The following ASXL1 variants were observed in gnomAD, a reference collection of about 807,000 sequenced individuals.
ASXL1 encodes the protein polycomb group protein ASXL1.
A neutral mutation model predicts 89.1 loss-of-function variants in ASXL1; 65 were observed. The observed-to-expected ratio is 0.73, with a 90% CI of 0.60 to 0.90. ASXL1 has a LOEUF of 0.90. Among genes scored for constraint, ASXL1 ranks in the 40% least tolerant of loss-of-function variants. The pLI is 0.00. For synonymous variants in ASXL1, 739 were observed against 746.9 expected (o/e 0.99, Z 0.17); for missense variants, 1,786 against 1,942.9 (o/e 0.92, Z 1.52).
At chr20:32,419,730 G>A (rs970272678) in intron 4 of ASXL1, among the ~76,000 whole-genome samples, 8 of 142,790 alleles carry the variant, frequency 5.6e-5, no homozygotes, top group African/African-American at 2.1e-4. Flanking sequence ...TGCCCAGGCT[G>A]GAGTGCAGTG....
At chr20:32,415,449 G>A (rs557504033) in intron 4 of ASXL1, among the ~76,000 whole-genome samples, 3 of 152,248 alleles carry the variant, frequency 2.0e-5, no homozygotes, top group South Asian at 4.1e-4. Context: ...GTTTTCCTCT[G>A]GAGTGGGAGA....
intron 4 of ASXL1, among the ~76,000 whole-genome samples, chr20:32,386,376 A>G (rs1412404983): frequency 6.6e-6 from 1 of 151,960 alleles, no homozygotes; most frequent in African/African-American, 2.4e-5. Flanking sequence ...AAACCTCCAA[A>G]GTGTAAGTTT....
At chr20:32,410,831 C>A (rs1458926618) in intron 4 of ASXL1, among the ~76,000 whole-genome samples, 1 of 152,024 alleles carries the variant, frequency 6.6e-6, no homozygotes, top group South Asian at 2.1e-4. Context: ...GAGTTTGAGA[C>A]CAGCCTTGCC....
chr20:32,399,745 CTCTTTTTTTTTTTTT>C (rs1569283064), intron 4 of ASXL1, among the ~76,000 whole-genome samples: 21 of 66,598 alleles, frequency 3.2e-4, no homozygotes, highest in Admixed American at 6.9e-4. Flanking sequence ...ACATATTTTA[CTCTTTTTTTTTTTTT>C]TTTTTTTTTT....
rs779803649 is a variant in ASXL1, at chr20:32,429,907, C to T, written c.572C>T (p.Ser191Leu). The T allele has an allele frequency of 1.3e-5, 21 of 1,607,596 alleles. No individual in the cohort carries two copies. The highest frequency in any genetic ancestry group is 8.9e-5 in the East Asian group (4 of 44,846). Residue 191 changes from serine (S) to leucine (L), a missense_variant, in exon 8 of 13, where the codon TCG becomes TTG. Coordinates refer to ENST00000375687, the MANE Select transcript of ASXL1 (RefSeq NM_015338.6). This position sits in a 1 kb window ranked among gnomAD's most constrained non-coding sequence, Gnocchi z 4.9. ...GAHVESASGF[S>L]GCHADGESGS... ...TGGAATGCTGTGCCTTCAGGGTTCT[C>T]GGGCTGCCACGCCGATGGCGAGAGC... is the stretch of plus-strand genomic sequence containing the variant.
intron 4 of ASXL1, among the ~76,000 whole-genome samples, chr20:32,414,419 A>G (rs1405547639): frequency 1.3e-5 from 2 of 151,748 alleles, no homozygotes; most frequent in African/African-American, 4.8e-5. Context: ...TTTTTTTAAA[A>G]AAATATTCTG....
intron 1 of ASXL1, chr20:32,359,218 A>G: frequency 1.4e-6 from 1 of 700,316 alleles, no homozygotes; most frequent in Non-Finnish European, 2.6e-6. Flanking sequence ...AAGGGTCGGA[A>G]GCTCCTCCCT....
In ASXL1 at chr20:32,376,236, TTTTTA is replaced by T. The variant is rs1213637255; in HGVS notation, c.252+7134_252+7138del. On this transcript the variant is annotated intron_variant, in intron 4 of 12. Coordinates refer to ENST00000375687, the MANE Select transcript of ASXL1 (RefSeq NM_015338.6). The stretch of plus-strand genomic sequence containing the variant: ...GGAAGACACCAGTTATTTTATTTTA[TTTTTA>T]TTTTATTTTATTTTATTTTAATTTT... Among the ~76,000 whole-genome samples the T allele has an allele frequency of 3.1e-4, 47 of 151,346 alleles. No homozygotes were observed. The South Asian group carries it at 4.0e-3, about 13-fold the overall frequency.
At position 32,433,436 on chromosome 20, in the gene ASXL1, G is replaced by C. The variant is rs1466780451; in HGVS notation, c.1238G>C (p.Arg413Pro). The change falls in exon 12 of 13, where the codon CGG becomes CCG. Residue 413 changes from arginine (R) to proline (P), a missense_variant. Physicochemically the swap from Arg to Pro is moderately radical, Grantham distance 103 (BLOSUM62 -2). Coordinates refer to ENST00000375687, the MANE Select transcript of ASXL1 (RefSeq NM_015338.6). ...QRDGHFKKRS[R>P]PDLRTRARRN... ...GATGGGCATTTTAAGAAACGCTCTC[G>C]GCCAGATCTCCGAACCAGAGCCAGA... is the stretch of plus-strand genomic sequence containing the variant. The C allele has an allele frequency of 6.2e-7, 1 of 1,614,146 alleles. No homozygotes were observed. Among genetic ancestry groups the C allele is most frequent in the Non-Finnish European group, 8.5e-7 (1 of 1,180,028 alleles).
chr20:32,435,255 C>A lies in ASXL1; in HGVS notation c.2543C>A (p.Thr848Lys), dbSNP rs2011754545. 1.9e-6 allele frequency: 3 copies of A among 1,614,014 alleles called. No individual in the cohort carries two copies. In the African/African-American group the frequency reaches 4.0e-5, roughly 22 times the overall value. ...KDPVNVTPSS[T>K]PESSPTDCLQ... ...CCTGTAAATGTGACCCCCAGTTCCA[C>A]ACCTGAATCCTCACCGACTGATTGC... Residue 848 changes from threonine to lysine, a missense_variant, in exon 13 of 13, where the codon ACA becomes AAA. Physicochemically the swap from Thr to Lys is moderately conservative, Grantham distance 78 (BLOSUM62 -1). This residue lies in a region of ASXL1 where 1,418 missense variants were observed against 1,427.8 expected (regional missense o/e 0.99). Coordinates refer to ENST00000375687, the MANE Select transcript of ASXL1 (RefSeq NM_015338.6).
intron 4 of ASXL1, among the ~76,000 whole-genome samples, chr20:32,375,384 G>C (rs2048360028): frequency 6.6e-6 from 1 of 151,820 alleles, no homozygotes; most frequent in Admixed American, 6.6e-5. Context: ...AGGAGGCAGA[G>C]GCTGCAGTGA....
At chr20:32,391,445 G>A (rs976879476) in intron 4 of ASXL1, among the ~76,000 whole-genome samples, 1 of 152,092 alleles carries the variant, frequency 6.6e-6, no homozygotes, top group African/African-American at 2.4e-5. Context: ...AAATAGCTAA[G>A]CTGTTTTCCA....
chr20:32,408,855 C>T (rs758205260), intron 4 of ASXL1, among the ~76,000 whole-genome samples: 12 of 152,082 alleles, frequency 7.9e-5, no homozygotes, highest in Admixed American at 2.0e-4. Context: ...AATCCATGAA[C>T]ATGGTATAAT....
chr20:32,366,000 A>G (rs1183001010), intron 1 of ASXL1, among the ~76,000 whole-genome samples: 1 of 152,156 alleles, frequency 6.6e-6, no homozygotes, highest in Non-Finnish European at 1.5e-5. Flanking sequence ...ATATATATAT[A>G]CTAATCAAAC....
intron 4 of ASXL1, chr20:32,426,977 G>C (rs950333126): frequency 6.6e-5 from 10 of 151,986 alleles, no homozygotes; most frequent in Admixed American, 5.9e-4. Flanking sequence ...GATTGTTGTG[G>C]GCACCTGTTT....
chr20:32,436,641 T>G lies in ASXL1; in HGVS notation c.3929T>G (p.Val1310Gly). Reference protein sequence around the residue: ...QGKKLFGSGNVAATLQRPRPA... With the variant: ...QGKKLFGSGNGAATLQRPRPA... ...AAGAAGCTTTTTGGCTCTGGGAATG[T>G]GGCTGCAACCCTTCAGCGCCCCAGG... The change falls in exon 13 of 13, where the codon GTG becomes GGG. Residue 1310 changes from valine (V) to glycine (G), a missense_variant. Physicochemically the swap from Val to Gly is moderately radical, Grantham distance 109. Transcript: ENST00000375687. The G allele has an allele frequency of 6.2e-7, 1 of 1,614,122 alleles. No homozygotes were observed. Among genetic ancestry groups the G allele is most frequent in the Non-Finnish European group, 8.5e-7 (1 of 1,180,048 alleles).
At chr20:32,374,935 A>G (rs2048352687) in intron 4 of ASXL1, among the ~76,000 whole-genome samples, 1 of 152,194 alleles carries the variant, frequency 6.6e-6, no homozygotes, top group Admixed American at 6.5e-5. Context: ...GTCTTAGTCC[A>G]TTTTCCATTA....
intron 4 of ASXL1, among the ~76,000 whole-genome samples, chr20:32,381,215 C>CT (rs957203747): frequency 5.3e-5 from 8 of 151,924 alleles, no homozygotes; most frequent in Admixed American, 1.3e-4. Context: ...TACCAAAGTC[C>CT]TTTTTTTTGA....
intron 8 of ASXL1, chr20:32,430,658 T>C: frequency 4.7e-6 from 1 of 211,996 alleles, no homozygotes; most frequent in Non-Finnish European, 9.6e-6. Context: ...GATGAAACCA[T>C]TAAGAAGACA....
Sources: allele counts gnomAD v4.1 joint callset (sites outside exome capture counted in the v4.1 genomes callset), GRCh38; gene constraint gnomAD v4.1.1; regional missense constraint gnomAD v4.1.1; non-coding constraint Gnocchi (gnomAD v3.1); transcripts MANE v1.5; gene names NCBI Gene and HGNC (gene_info 2026-07-23, HGNC 2026-07-21).